GRIN2A: variants seen among roughly 807,000 people sequenced by gnomAD.
GRIN2A encodes glutamate ionotropic receptor NMDA type subunit 2A.
In GRIN2A, 22 loss-of-function variants were observed where a neutral mutation model predicts 113.4. The observed-to-expected ratio is 0.19, with a 90% confidence interval of 0.14 to 0.28. The LOEUF (loss-of-function observed/expected upper bound fraction) is 0.28. GRIN2A is among the 10% of genes least tolerant of loss of function. GRIN2A has a pLI of 1.00. For synonymous variants in GRIN2A, 827 were observed against 738.4 expected, an observed-to-expected ratio of 1.12 and a Z score of -1.94; for missense variants, 1,502 against 1,887.0, an observed-to-expected ratio of 0.80 and a Z score of 3.78.
chr16:10,022,996 T>C (rs2046753492), intron 2 of GRIN2A, among the ~76,000 whole-genome samples: 1 of 152,212 alleles, frequency 6.6e-6, no homozygotes, highest in South Asian at 2.1e-4. Context: ...CACAGGAATC[T>C]AAAGGAGAAA....
intron 2 of GRIN2A, among the ~76,000 whole-genome samples, chr16:10,141,991 C>G (rs79285411): frequency 2.6e-5 from 4 of 152,284 alleles, no homozygotes; most frequent in East Asian, 3.9e-4. Context: ...TTAGGAGAAG[C>G]CTCTGCCTCT....
chr16:10,101,819 A>G (rs2048404407), intron 2 of GRIN2A, among the ~76,000 whole-genome samples: 1 of 152,032 alleles, frequency 6.6e-6, no homozygotes, highest in South Asian at 2.1e-4. Context: ...AGATAGCCCC[A>G]CTCTAGGAGG....
chr16:9,966,741 T>C (rs1203958814), intron 2 of GRIN2A, among the ~76,000 whole-genome samples: 1 of 152,152 alleles, frequency 6.6e-6, no homozygotes, highest in Non-Finnish European at 1.5e-5. Context: ...CCACCAACAG[T>C]GTATAAGCCT....
chr16:9,880,943 G>A (rs1300690979), intron 4 of GRIN2A, among the ~76,000 whole-genome samples: 3 of 152,074 alleles, frequency 2.0e-5, no homozygotes, highest in Non-Finnish European at 4.4e-5. Flanking sequence ...TTAGTGCCCC[G>A]TTAGACTCTA....
At chr16:10,028,487 G>C (rs1242788561) in intron 2 of GRIN2A, among the ~76,000 whole-genome samples, 3 of 152,158 alleles carry the variant, frequency 2.0e-5, no homozygotes, top group Non-Finnish European at 2.9e-5. Flanking sequence ...CCAGAGTTTT[G>C]GAGAGATAGG....
intron 3 of GRIN2A, among the ~76,000 whole-genome samples, chr16:9,892,548 AC>A (rs1448320497): frequency 6.6e-6 from 1 of 152,026 alleles, no homozygotes; most frequent in East Asian, 1.9e-4. Flanking sequence ...ATCAACGATG[AC>A]TCCTAGAATC....
chr16:9,810,922 C>T (rs1043633762), intron 10 of GRIN2A, among the ~76,000 whole-genome samples: 2 of 152,116 alleles, frequency 1.3e-5, no homozygotes, highest in African/African-American at 4.8e-5. Flanking sequence ...CTGGGGTTGG[C>T]CCCGGGCACT....
At chr16:10,060,255 T>C (rs570587941) in intron 2 of GRIN2A, among the ~76,000 whole-genome samples, 1 of 152,174 alleles carries the variant, frequency 6.6e-6, no homozygotes, top group Non-Finnish European at 1.5e-5. Flanking sequence ...AGCCCAATCC[T>C]CTATACTAGA....
Position 10,180,241 on chromosome 16 carries a change from G to A in GRIN2A, c.171C>T (p.Pro57=), listed in dbSNP as rs781693549. ...TERELRTLWG[P]EQAAGLPLDV... is the part of the protein sequence containing the mutation. The stretch of plus-strand genomic sequence containing the variant: ...CCAGGGGCAGCCCCGCCGCCTGCTC[G>A]GGGCCCCACAGTGTTCGAAGTTCGC... Residue 57 remains proline, a synonymous_variant, in exon 2 of 13, where the codon CCC becomes CCT. Coordinates refer to ENST00000330684, the MANE Select transcript of GRIN2A (RefSeq NM_001134407.3). The surrounding 1 kb of genome is among the most constrained non-coding windows in gnomAD (Gnocchi z 7.0). The A allele has an allele frequency of 8.1e-6, 13 of 1,613,878 alleles. No homozygotes were observed. Among genetic ancestry groups the A allele is most frequent in the Non-Finnish European group, 9.3e-6 (11 of 1,180,022 alleles).
intron 2 of GRIN2A, among the ~76,000 whole-genome samples, chr16:10,054,130 C>G (rs1214606547): frequency 6.6e-6 from 1 of 151,928 alleles, no homozygotes; most frequent in Non-Finnish European, 1.5e-5. Flanking sequence ...AGGAAAATAT[C>G]CTACGTGGAT....
At chr16:9,969,908 A>T (rs2045637330) in intron 2 of GRIN2A, among the ~76,000 whole-genome samples, 1 of 152,196 alleles carries the variant, frequency 6.6e-6, no homozygotes, top group African/African-American at 2.4e-5. Context: ...CTCACAGGAG[A>T]CTCACAGGCA....
intron 10 of GRIN2A, among the ~76,000 whole-genome samples, chr16:9,799,748 T>C (rs1452914123): frequency 6.6e-6 from 1 of 152,362 alleles, no homozygotes; most frequent in East Asian, 1.9e-4. Flanking sequence ...TCCATGTGAA[T>C]ACACATAGCA....
At chr16:9,834,259 A>T in intron 7 of GRIN2A, 29 bp from the exon 8 acceptor site, 2 of 1,613,220 alleles carry the variant, frequency 1.2e-6, no homozygotes, top group Non-Finnish European at 1.7e-6. Flanking sequence ...AGGAATGGAA[A>T]CGTGGTTAGT....
chr16:10,099,798 A>T (rs985727428), intron 2 of GRIN2A, among the ~76,000 whole-genome samples: 1 of 152,200 alleles, frequency 6.6e-6, no homozygotes, highest in Non-Finnish European at 1.5e-5. Context: ...ATGGTATTGA[A>T]GTCAGAATGT....
intron 2 of GRIN2A, among the ~76,000 whole-genome samples, chr16:10,006,476 CATTTT>C (rs2046406345): frequency 6.6e-6 from 1 of 152,068 alleles, no homozygotes; most frequent in Non-Finnish European, 1.5e-5. Context: ...ATGTAAATTT[CATTTT>C]ATTTCTTAAA....
chr16:9,769,972 A>T (rs924717370), intron 11 of GRIN2A, among the ~76,000 whole-genome samples: 4 of 152,174 alleles, frequency 2.6e-5, no homozygotes, highest in African/African-American at 7.2e-5. Context: ...TTGCAAACTA[A>T]ACTATACCCA....
intron 2 of GRIN2A, among the ~76,000 whole-genome samples, chr16:9,979,247 T>C (rs758780906): frequency 1.4e-4 from 22 of 152,184 alleles, no homozygotes; most frequent in Non-Finnish European, 2.5e-4. Context: ...AGTTGCCTTA[T>C]CTGTGAAATC....
At chr16:9,816,561 C>A (rs888634726) in intron 10 of GRIN2A, among the ~76,000 whole-genome samples, 1 of 152,124 alleles carries the variant, frequency 6.6e-6, no homozygotes, top group Non-Finnish European at 1.5e-5. Flanking sequence ...GTTCTAGGGA[C>A]GTTGTTTAAT....
At chr16:9,876,727 G>T (rs943963551) in intron 4 of GRIN2A, among the ~76,000 whole-genome samples, 10 of 152,114 alleles carry the variant, frequency 6.6e-5, no homozygotes, top group African/African-American at 2.2e-4. Context: ...TGGGTAAGTG[G>T]GTGGGTTCAA....
Sources: allele counts gnomAD v4.1 joint callset (sites outside exome capture counted in the v4.1 genomes callset), GRCh38; gene constraint gnomAD v4.1.1; non-coding constraint Gnocchi (gnomAD v3.1); transcripts MANE v1.5; gene names NCBI Gene and HGNC (gene_info 2026-07-23, HGNC 2026-07-21).